Variants in PTPRT observed in about 807,000 individuals in gnomAD.
PTPRT encodes the protein receptor-type tyrosine-protein phosphatase T.
Under a neutral mutation model 176.8 loss-of-function variants are expected in PTPRT, and 56 were observed. The observed-to-expected ratio is 0.32, with a 90% CI of 0.26 to 0.40. The LOEUF is 0.40. Among genes scored for constraint, PTPRT ranks in the 10% least tolerant of loss-of-function variants. The probability of loss-of-function intolerance (pLI) is 1.00; values close to 1 mark genes in which losing one functional copy is unlikely to be tolerated. For missense variants in PTPRT, 1,540 were observed against 1,908.2 expected (o/e 0.81, Z 3.60); for synonymous variants, 783 against 739.0 (o/e 1.06, Z -0.96).
rs140783543 is a variant in PTPRT at position 42,970,060 on chromosome 20, C to T, written c.89-84128G>A. Among the ~76,000 whole-genome samples, 24 of 152,178 alleles carry T rather than the reference C, an allele frequency of 1.6e-4. 1 individual carries two copies. In the East Asian group the frequency reaches 3.7e-3, roughly 23 times the overall value. ...AGGCAGCCTTGCTCCAGAGCTGGCCCGGTTAATCAGTGGGCTTTGCTACCT... is the reference window on the plus strand; with the variant it reads ...AGGCAGCCTTGCTCCAGAGCTGGCCTGGTTAATCAGTGGGCTTTGCTACCT... On this transcript the variant is annotated intron_variant, in intron 1 of 30. Transcript: ENST00000373187.
intron 1 of PTPRT, among the ~76,000 whole-genome samples, chr20:42,991,722 T>C (rs1983923917): frequency 6.6e-6 from 1 of 152,236 alleles, no homozygotes; most frequent in African/African-American, 2.4e-5. Flanking sequence ...AGTTTTATGT[T>C]ATGTCTATTT....
chr20:42,453,229 T>A (rs989120652), intron 8 of PTPRT, among the ~76,000 whole-genome samples: 1 of 152,030 alleles, frequency 6.6e-6, no homozygotes, highest in Non-Finnish European at 1.5e-5. Context: ...TGCAGTTGCA[T>A]TTTTTTTCTC....
intron 1 of PTPRT, among the ~76,000 whole-genome samples, chr20:43,169,911 C>T (rs1046703694): frequency 1.3e-5 from 2 of 152,122 alleles, no homozygotes; most frequent in African/African-American, 4.8e-5. Context: ...AAAACAAGAG[C>T]TTTGTGTGTT....
intron 7 of PTPRT, among the ~76,000 whole-genome samples, chr20:42,642,221 C>T (rs2074773139): frequency 2.6e-5 from 4 of 152,122 alleles, no homozygotes; most frequent in Admixed American, 1.3e-4. Context: ...TGGGCCAAAG[C>T]TAGAGGGCCT....
intron 1 of PTPRT, among the ~76,000 whole-genome samples, chr20:43,151,106 A>C (rs906854576): frequency 6.6e-6 from 1 of 151,982 alleles, no homozygotes; most frequent in Non-Finnish European, 1.5e-5. Flanking sequence ...CAGGAGTTCA[A>C]GACCAGCCTA....
chr20:42,166,773 T>C (rs745353747), intron 16 of PTPRT, among the ~76,000 whole-genome samples: 28 of 152,040 alleles, frequency 1.8e-4, no homozygotes, highest in Non-Finnish European at 3.4e-4. Context: ...ACAAAAAAAT[T>C]AGCCAGGTGT....
intron 2 of PTPRT, among the ~76,000 whole-genome samples, chr20:42,864,752 A>C (rs1041463230): frequency 6.6e-6 from 1 of 152,216 alleles, no homozygotes; most frequent in African/African-American, 2.4e-5. Context: ...CAAGGTTATC[A>C]AAGTTTTATT....
chr20:42,294,398 A>G (rs2057358720), intron 12 of PTPRT, among the ~76,000 whole-genome samples: 1 of 152,092 alleles, frequency 6.6e-6, no homozygotes, highest in Admixed American at 6.6e-5. Context: ...TTGGAGATTG[A>G]AGGAAAAAAG....
At chr20:42,441,441 G>T (rs529919687) in intron 9 of PTPRT, among the ~76,000 whole-genome samples, 1 of 152,338 alleles carries the variant, frequency 6.6e-6, no homozygotes, top group East Asian at 1.9e-4. Flanking sequence ...TAAGCAATGG[G>T]AAGAGGAGCG....
intron 7 of PTPRT, among the ~76,000 whole-genome samples, chr20:42,543,510 C>T (rs2072620005): frequency 6.6e-6 from 1 of 152,096 alleles, no homozygotes; most frequent in Non-Finnish European, 1.5e-5. Flanking sequence ...ACGACTTCTT[C>T]CATTGAAGTC....
At chr20:42,336,526 TG>T (rs2145455952) in intron 11 of PTPRT, among the ~76,000 whole-genome samples, 1 of 152,242 alleles carries the variant, frequency 6.6e-6, no homozygotes, top group East Asian at 1.9e-4. Context: ...AATTAAAGAA[TG>T]AAAAAGGTTA....
chr20:42,483,416 G>C (rs1464896788), intron 7 of PTPRT, among the ~76,000 whole-genome samples: 1 of 152,140 alleles, frequency 6.6e-6, no homozygotes, highest in Non-Finnish European at 1.5e-5. Context: ...CACCCGCCTT[G>C]GCCTCCCAAA....
chr20:42,398,763 A>G (rs2058876202), intron 9 of PTPRT, among the ~76,000 whole-genome samples: 1 of 152,162 alleles, frequency 6.6e-6, no homozygotes, highest in African/African-American at 2.4e-5. Flanking sequence ...TCAGGTATCT[A>G]TTGGTACTCC....
chr20:42,327,814 G>T (rs1338927690), intron 11 of PTPRT, among the ~76,000 whole-genome samples: 1 of 151,976 alleles, frequency 6.6e-6, no homozygotes, highest in Admixed American at 6.6e-5. Context: ...ATGTAAATCT[G>T]AAATGTCTGA....
intron 9 of PTPRT, among the ~76,000 whole-genome samples, chr20:42,381,150 C>T (rs1341092372): frequency 6.6e-6 from 1 of 152,200 alleles, no homozygotes; most frequent in Non-Finnish European, 1.5e-5. Flanking sequence ...GCCCTACCTC[C>T]CTACCTCCAG....
At chr20:42,778,168 G>C (rs547075023) in intron 4 of PTPRT, among the ~76,000 whole-genome samples, 3 of 152,302 alleles carry the variant, frequency 2.0e-5, no homozygotes, top group Admixed American at 6.5e-5. Context: ...ATGAGACTTT[G>C]GGGGGTGGAA....
intron 11 of PTPRT, among the ~76,000 whole-genome samples, chr20:42,346,984 C>T (rs114509230): frequency 6.6e-6 from 1 of 152,138 alleles, no homozygotes; most frequent in Non-Finnish European, 1.5e-5. Context: ...AAAAGGGCCA[C>T]CCGGTCATCA....
chr20:43,071,637 T>C (rs2011182072), intron 1 of PTPRT, among the ~76,000 whole-genome samples: 1 of 151,536 alleles, frequency 6.6e-6, no homozygotes, highest in Non-Finnish European at 1.5e-5. Flanking sequence ...AATACAAAAT[T>C]AGCTGGGCGT....
In PTPRT at chr20:43,185,096, A is replaced by T. The variant is rs529347724; in HGVS notation, c.88+4550T>A. Among the ~76,000 whole-genome samples the T allele has an allele frequency of 1.6e-3, 249 of 152,296 alleles. 1 individual carries two copies. Among genetic ancestry groups the T allele is most frequent in the African/African-American group, 5.7e-3 (238 of 41,566 alleles). On this transcript the variant is annotated intron_variant, in intron 1 of 30. Transcript: ENST00000373187. ...TTCCTCTCCATACTAATCTGAATCC[A>T]TTCTGTAAGATTTCATGAGACACGC...
Sources: allele counts gnomAD v4.1 joint callset (sites outside exome capture counted in the v4.1 genomes callset), GRCh38; gene constraint gnomAD v4.1.1; transcripts MANE v1.5; gene names NCBI Gene and HGNC (gene_info 2026-07-23, HGNC 2026-07-21).